The following CDC14C variants were observed in gnomAD, a reference collection of about 807,000 sequenced individuals.
The protein encoded by CDC14C is cell division cycle 14C, also known as dual specificity protein phosphatase CDC14C.
Under a neutral mutation model 26.9 loss-of-function variants are expected in CDC14C, and 19 were observed. The observed-to-expected ratio is 0.71, with a 90% CI of 0.49 to 1.04. CDC14C has a LOEUF of 1.04. Among genes scored for constraint, CDC14C ranks in the 50% least tolerant of loss-of-function variants. The pLI, the probability that CDC14C is intolerant of heterozygous loss-of-function variation, is 0.00. For synonymous variants in CDC14C, 185 were observed against 180.1 expected, an observed-to-expected ratio of 1.03 and a Z score of -0.22; for missense variants, 423 against 520.0, an observed-to-expected ratio of 0.81 and a Z score of 1.81.
At position 48,927,224 on chromosome 7, in the gene CDC14C, A is replaced by G. The variant is rs963682824; in HGVS notation, c.*1208A>G. Among the ~76,000 whole-genome samples, 193 of 65,980 alleles carry G rather than the reference A, an allele frequency of 2.9e-3. 1 individual carries two copies. The highest frequency in any genetic ancestry group is 0.011 in the African/African-American group (191 of 18,186). The allele number at this position is 65,980 out of a possible 152,430, so 43.3% of individuals were successfully genotyped here. On this transcript the variant is annotated 3_prime_UTR_variant, in exon 1 of 1. Transcript: ENST00000650262. ...TTATTAACAAGAATCTGTGAAAACCACATTTTAAACACTGTTGCATGTTGT... is the reference window on the plus strand; with the variant it reads ...TTATTAACAAGAATCTGTGAAAACCGCATTTTAAACACTGTTGCATGTTGT...
In CDC14C at chr7:48,927,403, C is replaced by T. The variant is rs1250297551; in HGVS notation, c.*1387C>T. On this transcript the variant is annotated 3_prime_UTR_variant, in exon 1 of 1. Coordinates refer to ENST00000650262, the MANE Select transcript of CDC14C (RefSeq NM_152627.3). Reference sequence around the variant, plus strand: ...AGGGACTGAAGAACTGGGAGGTTGCCCATTGTTTGGTTGCCAGTCATACAA... The same window carrying T: ...AGGGACTGAAGAACTGGGAGGTTGCTCATTGTTTGGTTGCCAGTCATACAA... Among the ~76,000 whole-genome samples the T allele has an allele frequency of 6.6e-6, 1 of 152,086 alleles. No individual in the cohort carries two copies. The highest frequency in any genetic ancestry group is 1.5e-5 in the Non-Finnish European group (1 of 68,024).
In CDC14C at chr7:48,924,922, T is replaced by C. The variant is rs1468138379; in HGVS notation, c.250T>C (p.Leu84=). 1 of 1,431,464 alleles carries C rather than the reference T, an allele frequency of 7.0e-7. No homozygotes were observed. Among genetic ancestry groups the C allele is most frequent in the African/African-American group, 1.4e-5 (1 of 71,324 alleles). The allele number at this position is 1,431,464 out of a possible 1,614,324, so 88.7% of individuals were successfully genotyped here. ...TAAGAAATTAAAGTCCATTACAATG[T>C]TAAGGAAGAAAATTGTTCATTTTAC... is the stretch of plus-strand genomic sequence containing the variant. ...INKKLKSITM[L]RKKIVHFTGS... Residue 84 remains leucine (L), a synonymous_variant, in exon 1 of 1, where the codon TTA becomes CTA. Transcript: ENST00000650262.
rs1469225230 is a variant in CDC14C, at chr7:48,925,233, T to C, written c.561T>C (p.Asn187=). 4 of 1,606,908 alleles carry C rather than the reference T, an allele frequency of 2.5e-6. No individual in the cohort carries two copies. The African/African-American group carries it at 5.3e-5, about 21-fold the overall frequency. Residue 187 remains asparagine, a synonymous_variant, in exon 1 of 1, where the codon AAT becomes AAC. Coordinates refer to ENST00000650262, the MANE Select transcript of CDC14C (RefSeq NM_152627.3). ...HYEKAENGDL[N]WIIPDRFIAF... is the part of the protein sequence containing the mutation. ...AAAAAGCAGAAAACGGAGATTTAAA[T>C]TGGATAATACCAGACCGATTTATTG...
chr7:48,926,400 C>T lies in CDC14C; in HGVS notation c.*384C>T, dbSNP rs1263822964. On this transcript the variant is annotated 3_prime_UTR_variant, in exon 1 of 1. Coordinates refer to ENST00000650262, the MANE Select transcript of CDC14C (RefSeq NM_152627.3). ...GTAAAGTGGGAAATCAGGGGTCTCA[C>T]AGCCTTCAGAGCTGAGAGCCCCGAA... Among the ~76,000 whole-genome samples the T allele has an allele frequency of 6.6e-6, 1 of 151,274 alleles. No homozygotes were observed. The highest frequency in any genetic ancestry group is 1.5e-5 in the Non-Finnish European group (1 of 67,898).
rs752755312 is a variant in CDC14C at position 48,925,642 on chromosome 7, G to C, written c.970G>C (p.Gly324Arg). Residue 324 changes from glycine (G) to arginine (R), a missense_variant, in exon 1 of 1, where the codon GGG (glycine) becomes CGG (arginine). By Grantham distance (125) the Gly-to-Arg change is moderately radical. Around this residue, in one of 3 missense-constraint regions of CDC14C, gnomAD observed 91 missense variants for 94.2 expected, o/e 0.97. Coordinates refer to ENST00000650262, the MANE Select transcript of CDC14C (RefSeq NM_152627.3). ...VRICRPGLVI[G>R]PQQQFLVMKQ... ...GATCTGCAGACCTGGCTTGGTGATC[G>C]GGCCTCAGCAGCAGTTTTTGGTGAT... The C allele has an allele frequency of 5.3e-5, 84 of 1,573,046 alleles. No individual in the cohort carries two copies. The highest frequency in any genetic ancestry group is 6.3e-5 in the Non-Finnish European group (72 of 1,142,616).
In CDC14C at chr7:48,925,012, T is replaced by C. The variant is rs749345005; in HGVS notation, c.340T>C (p.Leu114=). 2.9e-6 allele frequency: 4 copies of C among 1,378,646 alleles called. No individual in the cohort carries two copies. The highest frequency in any genetic ancestry group is 4.1e-6 in the Non-Finnish European group (4 of 965,366). The allele number at this position is 1,378,646 out of a possible 1,614,324, so 85.4% of individuals were successfully genotyped here. Residue 114 remains leucine (L), a synonymous_variant, in exon 1 of 1, where the codon TTG becomes CTG. Transcript: ENST00000650262. ...TGTTGGATGCTACATGGTTATATAC[T>C]TGGGGAGAACCCCAGAAGCAGCATA... The part of the protein sequence containing the change: ...FLVGCYMVIY[L]GRTPEAAYRI...
chr7:48,926,511 A>T lies in CDC14C; in HGVS notation c.*495A>T, dbSNP rs2131868596. On this transcript the variant is annotated 3_prime_UTR_variant, in exon 1 of 1. Coordinates refer to ENST00000650262, the MANE Select transcript of CDC14C (RefSeq NM_152627.3). ...ATTAAATTAACTAAAAGTATCCCTT[A>T]TGGGAAACGAAGGGATGGGCCTAAT... is the stretch of plus-strand genomic sequence containing the variant. 6.6e-6 allele frequency among the ~76,000 whole-genome samples: 1 copy of T among 152,220 alleles called. No individual in the cohort carries two copies. The highest frequency in any genetic ancestry group is 2.1e-4 in the South Asian group (1 of 4,806).
Position 48,925,982 on chromosome 7 carries a change from T to C in CDC14C, c.1310T>C (p.Val437Ala). Residue 437 changes from valine (V) to alanine (A), a missense_variant, in exon 1 of 1, where the codon GTT becomes GCT. Physicochemically the swap from Val to Ala is moderately conservative, Grantham distance 64 (BLOSUM62 0). Coordinates refer to ENST00000650262, the MANE Select transcript of CDC14C (RefSeq NM_152627.3). ...TLCSVVIWWI[V>A]CDYILPILLF The stretch of plus-strand genomic sequence containing the variant: ...TGTAGTGTTGTCATCTGGTGGATTG[T>C]TTGTGACTACATTCTTCCCATCCTG... 1 of 753,620 alleles carries C rather than the reference T, an allele frequency of 1.3e-6. No individual in the cohort carries two copies. Among genetic ancestry groups the C allele is most frequent in the Non-Finnish European group, 2.5e-6 (1 of 403,790 alleles). 46.7% of individuals were successfully genotyped at this position (753,620 alleles called of 1,614,324 possible).
At position 48,925,015 on chromosome 7, in the gene CDC14C, G is replaced by A. The variant is rs771297482; in HGVS notation, c.343G>A (p.Gly115Arg). Residue 115 changes from glycine to arginine, a missense_variant, in exon 1 of 1, where the codon GGG becomes AGG. Gly to Arg is a moderately radical substitution (Grantham distance 125, BLOSUM62 -2). Transcript: ENST00000650262. Reference sequence around the variant, plus strand: ...TGGATGCTACATGGTTATATACTTGGGGAGAACCCCAGAAGCAGCATATAG... The same window carrying A: ...TGGATGCTACATGGTTATATACTTGAGGAGAACCCCAGAAGCAGCATATAG... The part of the protein sequence containing the change: ...LVGCYMVIYL[G>R]RTPEAAYRIL... The A allele has an allele frequency of 7.3e-7, 1 of 1,377,890 alleles. No individual in the cohort carries two copies. The highest frequency in any genetic ancestry group is 1.0e-6 in the Non-Finnish European group (1 of 964,702). The allele number at this position is 1,377,890 out of a possible 1,614,324, so 85.4% of individuals were successfully genotyped here.
chr7:48,924,822 C>T lies in CDC14C; in HGVS notation c.150C>T (p.Leu50=), dbSNP rs1381621768. The part of the protein sequence containing the change: ...NVHYFSIDNE[L]EYENFSEDFG... ...ATTATTTCAGCATAGATAATGAACT[C>T]GAATATGAGAACTTCTCCGAAGACT... is the stretch of plus-strand genomic sequence containing the variant. Residue 50 remains leucine (L), a synonymous_variant, in exon 1 of 1, where the codon CTC becomes CTT. Transcript: ENST00000650262. 22 of 1,329,598 alleles carry T rather than the reference C, an allele frequency of 1.7e-5. No individual in the cohort carries two copies. The highest frequency in any genetic ancestry group is 4.3e-5 in the African/African-American group (3 of 69,314). 82.4% of individuals were successfully genotyped at this position (1,329,598 alleles called of 1,614,324 possible).
In CDC14C at chr7:48,925,155, G is replaced by T. The variant is rs61731347; in HGVS notation, c.483G>T (p.Gln161His). ...DCFHAVKKAM[Q>H]YGFLNFNSFN... The stretch of plus-strand genomic sequence containing the variant: ...TTCATGCAGTAAAGAAGGCAATGCA[G>T]TATGGCTTCCTTAATTTCAACTCAT... Residue 161 changes from glutamine (Q) to histidine (H), a missense_variant, in exon 1 of 1, where the codon CAG (glutamine) becomes CAT (histidine). Physicochemically the swap from Gln to His is conservative, Grantham distance 24. Around this residue, in one of 3 missense-constraint regions of CDC14C, gnomAD observed 310 missense variants for 356.8 expected, o/e 0.87. Transcript: ENST00000650262. 3 of 1,520,718 alleles carry T rather than the reference G, an allele frequency of 2.0e-6. No individual in the cohort carries two copies. Among genetic ancestry groups the T allele is most frequent in the Non-Finnish European group, 2.7e-6 (3 of 1,095,212 alleles). 94.2% of individuals were successfully genotyped at this position (1,520,718 alleles called of 1,614,324 possible). A position where few individuals can be genotyped will look rare whatever the true frequency, so the allele number is the denominator to read the frequency against.
chr7:48,925,454 C>A lies in CDC14C; in HGVS notation c.782C>A (p.Pro261His). 3 of 1,609,116 alleles carry A rather than the reference C, an allele frequency of 1.9e-6. No homozygotes were observed. The highest frequency in any genetic ancestry group is 2.6e-6 in the Non-Finnish European group (3 of 1,175,608). The part of the protein sequence containing the change: ...HDLFFADGST[P>H]TDAIVKRFLD... ...CTTTTCTTTGCGGATGGCAGCACCCCTACTGATGCCATTGTCAAAAGATTT... is the reference window on the plus strand; with the variant it reads ...CTTTTCTTTGCGGATGGCAGCACCCATACTGATGCCATTGTCAAAAGATTT... Residue 261 changes from proline (P) to histidine (H), a missense_variant, in exon 1 of 1, where the codon CCT becomes CAT. Pro to His is a moderately conservative substitution (Grantham distance 77). Transcript: ENST00000650262.
chr7:48,925,043 T>C lies in CDC14C; in HGVS notation c.371T>C (p.Ile124Thr). ...AGAACCCCAGAAGCAGCATATAGAA[T>C]ATTAATCTTTGGAGATACACCCTAT... is the stretch of plus-strand genomic sequence containing the variant. ...LGRTPEAAYR[I>T]LIFGDTPYIP... The change falls in exon 1 of 1, where the codon ATA (isoleucine) becomes ACA (threonine). Residue 124 changes from isoleucine (I) to threonine (T), a missense_variant. Physicochemically the swap from Ile to Thr is moderately conservative, Grantham distance 89. Around this residue, in one of 3 missense-constraint regions of CDC14C, gnomAD observed 310 missense variants for 356.8 expected, o/e 0.87. Transcript: ENST00000650262. The C allele has an allele frequency of 6.9e-7, 1 of 1,454,980 alleles. No homozygotes were observed. Among genetic ancestry groups the C allele is most frequent in the South Asian group, 1.1e-5 (1 of 87,684 alleles). 90.1% of individuals were successfully genotyped at this position (1,454,980 alleles called of 1,614,324 possible). A position where few individuals can be genotyped will look rare whatever the true frequency, so the allele number is the denominator to read the frequency against.
Position 48,925,371 on chromosome 7 carries a change from G to T in CDC14C, c.699G>T (p.Leu233=), listed in dbSNP as rs549370521. 6.7e-5 allele frequency: 108 copies of T among 1,611,246 alleles called. 3 individuals are homozygous for T. In the African/African-American group the frequency reaches 1.1e-3, roughly 17 times the overall value. The part of the protein sequence containing the change: ...KNHNVTTIIR[L]NKRMYDAKRF... ...ACAATGTTACTACCATTATTCGTCTGAATAAAAGGATGTATGATGCCAAAC... is the reference window on the plus strand; with the variant it reads ...ACAATGTTACTACCATTATTCGTCTTAATAAAAGGATGTATGATGCCAAAC... The change falls in exon 1 of 1, where the codon CTG becomes CTT. Residue 233 remains leucine, a synonymous_variant. Coordinates refer to ENST00000650262, the MANE Select transcript of CDC14C (RefSeq NM_152627.3).
chr7:48,924,784 G>T lies in CDC14C; in HGVS notation c.112G>T (p.Ala38Ser). Residue 38 changes from alanine (A) to serine (S), a missense_variant, in exon 1 of 1, where the codon GCA becomes TCA. Ala to Ser is a moderately conservative substitution (Grantham distance 99, BLOSUM62 1). Transcript: ENST00000650262. ...FAILYSRPKS[A>S]SNVHYFSIDN... ...CATTCTCTACAGCAGACCAAAGAGT[G>T]CATCAAATGTACATTATTTCAGCAT... The T allele has an allele frequency of 7.2e-7, 1 of 1,391,572 alleles. No homozygotes were observed. Among genetic ancestry groups the T allele is most frequent in the Non-Finnish European group, 1.0e-6 (1 of 976,846 alleles). 86.2% of individuals were successfully genotyped at this position (1,391,572 alleles called of 1,614,324 possible). A position where few individuals can be genotyped will look rare whatever the true frequency, so the allele number is the denominator to read the frequency against.
Sources: gnomAD v4.1 joint callset for allele counts (sites outside exome capture counted in the v4.1 genomes callset) on GRCh38, gnomAD v4.1.1 for gene constraint, gnomAD v4.1.1 regional missense constraint, MANE v1.5 for transcripts, NCBI Gene and HGNC (gene_info 2026-07-23, HGNC 2026-07-21) for gene names.